The following PGS1 variants were observed in gnomAD, a reference collection of about 807,000 sequenced individuals.
The protein encoded by PGS1 is phosphatidylglycerophosphate synthase 1.
A neutral mutation model predicts 58.3 loss-of-function variants in PGS1; 44 were observed. The ratio of observed to expected loss-of-function variants is 0.75; its 90% CI spans 0.59 to 0.97. The LOEUF is 0.97. Among genes scored for constraint, PGS1 ranks in the 50% least tolerant of loss-of-function variants. The pLI is 0.00. For synonymous variants in PGS1, 330 were observed against 311.0 expected (o/e 1.06, Z -0.64); for missense variants, 684 against 731.1 (o/e 0.94, Z 0.74).
In PGS1 at chr17:78,382,057, G is replaced by T. The variant is rs1009850538; in HGVS notation, c.143+3249G>T. Among the ~76,000 whole-genome samples, 3 of 152,278 alleles carry T rather than the reference G, an allele frequency of 2.0e-5. No homozygotes were observed. In the South Asian group the frequency reaches 6.2e-4, roughly 32 times the overall value. On this transcript the variant is annotated intron_variant, in intron 1 of 9. Coordinates refer to ENST00000262764, the MANE Select transcript of PGS1 (RefSeq NM_024419.5). ...TGGAGAGGTCATGGAAGGCTTCCTG[G>T]TGCAGTGGCTCAGAGCTGTTTTGAA...
chr17:78,423,889 T>G, intron 9 of PGS1, 172 bp from the exon 10 acceptor site: 1 of 1,613,396 alleles, frequency 6.2e-7, no homozygotes, highest in African/African-American at 1.3e-5. Flanking sequence ...GAGTGTGGGC[T>G]GTGAGGCAGG....
rs554085358 is a variant in PGS1, at chr17:78,396,996, CGGACCTGAGTGCA to C, written c.411+612_411+624del. Among the ~76,000 whole-genome samples the C allele has an allele frequency of 2.7e-3, 417 of 152,348 alleles. 5 individuals carry two copies. The highest frequency in any genetic ancestry group is 0.017 in the Middle Eastern group (5 of 294). ...GCTTTCTGACCCTGTACTAGACAAA[CGGACCTGAGTGCA>C]AGTTGGGCTGGCTGGCTCGTTCTGC... On this transcript the variant is annotated intron_variant, in intron 3 of 9. Coordinates refer to ENST00000262764, the MANE Select transcript of PGS1 (RefSeq NM_024419.5).
chr17:78,396,030 A>G (rs76375743), intron 2 of PGS1, among the ~76,000 whole-genome samples: 1 of 152,254 alleles, frequency 6.6e-6, no homozygotes, highest in African/African-American at 2.4e-5. Flanking sequence ...GTGAGCCACT[A>G]CACCCAGCCT....
At chr17:78,408,334 T>C (rs1265133388) in intron 7 of PGS1, among the ~76,000 whole-genome samples, 1 of 152,176 alleles carries the variant, frequency 6.6e-6, no homozygotes, top group Non-Finnish European at 1.5e-5. Context: ...AGACTTGAAG[T>C]CTAGAAGCCT....
At chr17:78,391,383 T>A (rs1239670131) in intron 1 of PGS1, among the ~76,000 whole-genome samples, 3 of 152,158 alleles carry the variant, frequency 2.0e-5, no homozygotes, top group Non-Finnish European at 2.9e-5. Flanking sequence ...AATGGCATGA[T>A]CATAGCTGGG....
intron 1 of PGS1, among the ~76,000 whole-genome samples, chr17:78,387,490 G>A (rs1382774182): frequency 1.3e-5 from 2 of 151,696 alleles, no homozygotes; most frequent in Non-Finnish European, 2.9e-5. Context: ...GTAGAGATGG[G>A]GTTTCTCCAT....
At chr17:78,383,968 A>T (rs190354107) in intron 1 of PGS1, among the ~76,000 whole-genome samples, 1 of 152,282 alleles carries the variant, frequency 6.6e-6, no homozygotes, top group East Asian at 1.9e-4. Context: ...GATTTATGTA[A>T]ACGGGTCGAT....
chr17:78,414,492 C>G (rs1029037067), intron 7 of PGS1, among the ~76,000 whole-genome samples: 1 of 152,108 alleles, frequency 6.6e-6, no homozygotes, highest in Admixed American at 6.5e-5. Flanking sequence ...GAGTGGGGTT[C>G]GAGGCCCTGA....
At chr17:78,408,950 T>A (rs2084390361) in intron 7 of PGS1, among the ~76,000 whole-genome samples, 1 of 152,108 alleles carries the variant, frequency 6.6e-6, no homozygotes, top group South Asian at 2.1e-4. Context: ...CTGGTCCTGA[T>A]CGGGGGTGGG....
chr17:78,391,374 A>G (rs530595019), intron 1 of PGS1, among the ~76,000 whole-genome samples: 1 of 152,168 alleles, frequency 6.6e-6, no homozygotes, highest in South Asian at 2.1e-4. Context: ...CTGGAATGCA[A>G]TGGCATGATC....
chr17:78,384,986 G>A (rs1383783655), intron 1 of PGS1, among the ~76,000 whole-genome samples: 1 of 152,264 alleles, frequency 6.6e-6, no homozygotes, highest in African/African-American at 2.4e-5. Context: ...AGGCGCTGTT[G>A]ACACGCGCTG....
intron 9 of PGS1, 104 bp downstream of exon 9, chr17:78,419,779 C>T: frequency 3.8e-6 from 6 of 1,559,794 alleles, no homozygotes; most frequent in South Asian, 2.3e-5. Context: ...GCTCTTTGAT[C>T]CCTTTCTCAG....
Position 78,424,073 on chromosome 17 carries a change from TGAA to T in PGS1, c.*26_*28del. The T allele has an allele frequency of 6.2e-7, 1 of 1,613,996 alleles. No individual in the cohort carries two copies. Among genetic ancestry groups the T allele is most frequent in the Non-Finnish European group, 8.5e-7 (1 of 1,179,874 alleles). On this transcript the variant is annotated 3_prime_UTR_variant, in exon 10 of 10. Transcript: ENST00000262764. ...ATGCGGTCCACAGGAATGGCCTTGA[TGAA>T]GATGACAGGCATGGCCGGGGTCAGC... is the stretch of plus-strand genomic sequence containing the variant.
chr17:78,403,954 G>A lies in PGS1; in HGVS notation c.1267G>A (p.Gly423Arg). Residue 423 changes from glycine to arginine, a missense_variant, in exon 7 of 10, where the codon GGG (glycine) becomes AGG (arginine). Transcript: ENST00000262764. ...GGTGAATGGCTTCTTTGGGGCCAAG[G>A]GGGTGGCCGGCGCCATCCCAGCGGC... ...PEVNGFFGAK[G>R]VAGAIPAAYV... 3 of 1,614,172 alleles carry A rather than the reference G, an allele frequency of 1.9e-6. No individual in the cohort carries two copies. The highest frequency in any genetic ancestry group is 2.5e-6 in the Non-Finnish European group (3 of 1,180,022).
At chr17:78,408,390 C>T (rs975925025) in intron 7 of PGS1, among the ~76,000 whole-genome samples, 8 of 152,190 alleles carry the variant, frequency 5.3e-5, no homozygotes, top group Non-Finnish European at 1.0e-4. Context: ...AGGGGCCTGG[C>T]TTAACCTCTT....
intron 1 of PGS1, among the ~76,000 whole-genome samples, chr17:78,389,411 T>C (rs143298395): frequency 0.023 from 3,473 of 151,988 alleles, 127 homozygotes; most frequent in African/African-American, 0.079. Flanking sequence ...GTTCTCGAAC[T>C]GCTAACCTCA....
intron 7 of PGS1, among the ~76,000 whole-genome samples, chr17:78,414,350 T>C (rs1471937785): frequency 1.3e-5 from 2 of 152,216 alleles, no homozygotes; most frequent in Non-Finnish European, 2.9e-5. Context: ...ATCTGCCGTG[T>C]TGCGCGCTGA....
intron 8 of PGS1, among the ~76,000 whole-genome samples, chr17:78,415,876 G>GA (rs2085141718): frequency 6.6e-6 from 1 of 152,218 alleles, no homozygotes; most frequent in Admixed American, 6.5e-5. Context: ...CTTTTCCATG[G>GA]AAGGCACCAA....
intron 1 of PGS1, among the ~76,000 whole-genome samples, chr17:78,386,173 C>T (rs144502850): frequency 3.3e-5 from 5 of 152,304 alleles, no homozygotes; most frequent in East Asian, 1.9e-4. Flanking sequence ...AGCCGGGCCA[C>T]GGGCTGGTCC....
Sources: gnomAD v4.1 joint callset for allele counts (sites outside exome capture counted in the v4.1 genomes callset) on GRCh38, gnomAD v4.1.1 for gene constraint, MANE v1.5 for transcripts, NCBI Gene and HGNC (gene_info 2026-07-23, HGNC 2026-07-21) for gene names.